GPR155: variants seen among roughly 807,000 people sequenced by gnomAD.
The protein encoded by GPR155 is lysosomal cholesterol signaling protein.
In GPR155, 65 loss-of-function variants were observed where a neutral mutation model predicts 93.1. That is an observed-to-expected ratio of 0.70 (90% CI 0.57 to 0.86). The LOEUF (loss-of-function observed/expected upper bound fraction) is 0.86, where lower values mean the gene tolerates loss of function less well. Among genes scored for constraint, GPR155 ranks in the 40% least tolerant of loss-of-function variants. The probability of loss-of-function intolerance (pLI) is 0.00; values close to 1 mark genes in which losing one functional copy is unlikely to be tolerated. For synonymous variants in GPR155, 319 were observed against 360.1 expected, an observed-to-expected ratio of 0.89 and a Z score of 1.29; for missense variants, 838 against 1,034.8, an observed-to-expected ratio of 0.81 and a Z score of 2.61.
Position 174,433,997 on chromosome 2 carries a change from G to A in GPR155, c.*2119C>T, listed in dbSNP as rs1450465659. ...TTTTTCTGAGACAGAGTCTCACTCT[G>A]ACACTCAGGCTGGAGTGCAGTGGCA... On this transcript the variant is annotated 3_prime_UTR_variant, in exon 16 of 16. Transcript: ENST00000392552. 6.7e-6 allele frequency: 1 copy of A among 148,346 alleles called. No individual in the cohort carries two copies. Among genetic ancestry groups the A allele is most frequent in the African/African-American group, 2.5e-5 (1 of 40,058 alleles). The allele number at this position is 148,346 out of a possible 1,614,324, so 9.2% of individuals were successfully genotyped here. A position where few individuals can be genotyped will look rare whatever the true frequency, so the allele number is the denominator to read the frequency against.
chr2:174,437,576 C>A (rs1559094368), intron 15 of GPR155, among the ~76,000 whole-genome samples: 1 of 131,598 alleles, frequency 7.6e-6, no homozygotes, highest in African/African-American at 2.8e-5. Context: ...TGGCCTAACA[C>A]CTTTTTTTTT....
rs150594295 is a variant in GPR155 at position 174,453,329 on chromosome 2, T to C, written c.1876+408A>G. On this transcript the variant is annotated intron_variant, in intron 11 of 15. Transcript: ENST00000392552. The stretch of plus-strand genomic sequence containing the variant: ...ATATTCTTGATGTTTGTAACTTCTA[T>C]AGATATTCTATGTAGAGTTCTTTTG... Among the ~76,000 whole-genome samples, 846 of 152,334 alleles carry C rather than the reference T, an allele frequency of 5.6e-3. 3 individuals carry two copies. The highest frequency in any genetic ancestry group is 0.019 in the African/African-American group (804 of 41,574).
rs550292843 is a variant in GPR155, at chr2:174,470,274, C to A, written c.1026+116G>T. 33 of 803,324 alleles carry A rather than the reference C, an allele frequency of 4.1e-5. No homozygotes were observed. The African/African-American group carries it at 4.4e-4, about 11-fold the overall frequency. The allele number at this position is 803,324 out of a possible 1,614,324, so 49.8% of individuals were successfully genotyped here. Reference sequence around the variant, plus strand: ...ACCAGCCTGGGGCAACATAGTGAGACCCCCGTCGTCTCTATTTTTTCATTT... The same window carrying A: ...ACCAGCCTGGGGCAACATAGTGAGAACCCCGTCGTCTCTATTTTTTCATTT... On this transcript the variant is annotated intron_variant, in intron 4 of 15. Coordinates refer to ENST00000392552, the MANE Select transcript of GPR155 (RefSeq NM_152529.7).
Position 174,431,768 on chromosome 2 carries a change from C to A in GPR155, c.*4348G>T, listed in dbSNP as rs1030785641. Reference sequence around the variant, plus strand: ...ATATGAAGGGGCAAACACTAAGAGCCGCATTCTGCTGCGTAACAAACATAT... The same window carrying A: ...ATATGAAGGGGCAAACACTAAGAGCAGCATTCTGCTGCGTAACAAACATAT... On this transcript the variant is annotated 3_prime_UTR_variant, in exon 16 of 16. Coordinates refer to ENST00000392552, the MANE Select transcript of GPR155 (RefSeq NM_152529.7). 1 of 152,138 alleles carries A rather than the reference C, an allele frequency of 6.6e-6. No individual in the cohort carries two copies. The highest frequency in any genetic ancestry group is 1.5e-5 in the Non-Finnish European group (1 of 68,010). 9.4% of individuals were successfully genotyped at this position (152,138 alleles called of 1,614,324 possible). A position where few individuals can be genotyped will look rare whatever the true frequency, so the allele number is the denominator to read the frequency against.
intron 11 of GPR155, among the ~76,000 whole-genome samples, chr2:174,448,530 G>GTTTTTTTTTTTTTTTTTTT (rs565221876): frequency 9.9e-6 from 1 of 100,970 alleles, no homozygotes; most frequent in African/African-American, 4.1e-5. Context: ...TTTGTTTTTT[G>GTTTTTTTTTTTTTTTTTTT]TTTTTTTTTT....
At position 174,461,609 on chromosome 2, in the gene GPR155, AT is replaced by A; in HGVS notation, c.1447del (p.Ile483Ter). 2 of 1,610,724 alleles carry A rather than the reference AT, an allele frequency of 1.2e-6. No individual in the cohort carries two copies. The highest frequency in any genetic ancestry group is 2.2e-5 in the South Asian group (2 of 90,992). The stretch of plus-strand genomic sequence containing the variant: ...TTACCCCCAGCCAGATATTATGATT[AT>A]TCCAACAGGAATTTGTACCCTCTCT... ...KRERVQIPVG[I>X]IIISGWGIPA... On this transcript the variant is annotated frameshift_variant, in exon 8 of 16. Coordinates refer to ENST00000392552, the MANE Select transcript of GPR155 (RefSeq NM_152529.7). LOFTEE classifies it high-confidence loss of function.
chr2:174,460,305 C>T (rs528814615), intron 9 of GPR155, among the ~76,000 whole-genome samples: 5 of 151,850 alleles, frequency 3.3e-5, no homozygotes, highest in South Asian at 4.2e-4. Context: ...GGAATACAGG[C>T]GCCCGCCACC....
chr2:174,448,407 C>G (rs1687205654), intron 11 of GPR155, among the ~76,000 whole-genome samples: 1 of 151,924 alleles, frequency 6.6e-6, no homozygotes, highest in Non-Finnish European at 1.5e-5. Context: ...TATAAGAATC[C>G]TAGAAGAAAA....
chr2:174,475,066 C>A (rs1487771364), intron 2 of GPR155, among the ~76,000 whole-genome samples: 2 of 151,376 alleles, frequency 1.3e-5, no homozygotes, highest in Non-Finnish European at 2.9e-5. Flanking sequence ...GAGGCCGAGG[C>A]GGGCGGATCA....
chr2:174,449,869 G>A (rs916925889), intron 11 of GPR155, among the ~76,000 whole-genome samples: 3 of 152,126 alleles, frequency 2.0e-5, no homozygotes, highest in Admixed American at 6.5e-5. Flanking sequence ...CCAGCTACTC[G>A]GGAGGCTGAG....
intron 10 of GPR155, among the ~76,000 whole-genome samples, chr2:174,458,275 TGTCCTAG>T (rs1687579379): frequency 6.6e-6 from 1 of 152,224 alleles, no homozygotes; most frequent in South Asian, 2.1e-4. Context: ...ATGCTCACTG[TGTCCTAG>T]GACCATGGTA....
chr2:174,445,455 A>G lies in GPR155; in HGVS notation c.2014-279T>C, dbSNP rs1687093081. 3 of 244,260 alleles carry G rather than the reference A, an allele frequency of 1.2e-5. 1 individual carries two copies. Among genetic ancestry groups the G allele is most frequent in the Non-Finnish European group, 2.3e-5 (3 of 127,788 alleles). 15.1% of individuals were successfully genotyped at this position (244,260 alleles called of 1,614,324 possible). A position where few individuals can be genotyped will look rare whatever the true frequency, so the allele number is the denominator to read the frequency against. ...CTTACATAATGTATCAAGATTGCCA[A>G]CTAGCCTAAGACAGGCCTGATTTTA... On this transcript the variant is annotated intron_variant, in intron 12 of 15. Coordinates refer to ENST00000392552, the MANE Select transcript of GPR155 (RefSeq NM_152529.7).
rs1379362038 is a variant in GPR155 at position 174,436,102 on chromosome 2, C to G, written c.*14G>C. The G allele has an allele frequency of 6.3e-7, 1 of 1,593,894 alleles. No individual in the cohort carries two copies. Among genetic ancestry groups the G allele is most frequent in the Non-Finnish European group, 8.6e-7 (1 of 1,162,696 alleles). ...CTAGAATATGATTCCATGTAGGGTT[C>G]TCCCCTGCATAATTTAGGTCTTAGG... is the stretch of plus-strand genomic sequence containing the variant. On this transcript the variant is annotated 3_prime_UTR_variant, in exon 16 of 16. Coordinates refer to ENST00000392552, the MANE Select transcript of GPR155 (RefSeq NM_152529.7).
rs1686752604 is a variant in GPR155 at position 174,435,554 on chromosome 2, C to T, written c.*562G>A. 1.3e-5 allele frequency: 2 copies of T among 152,222 alleles called. No homozygotes were observed. Among genetic ancestry groups the T allele is most frequent in the Non-Finnish European group, 2.9e-5 (2 of 68,120 alleles). The allele number at this position is 152,222 out of a possible 1,614,324, so 9.4% of individuals were successfully genotyped here. On this transcript the variant is annotated 3_prime_UTR_variant, in exon 16 of 16. Coordinates refer to ENST00000392552, the MANE Select transcript of GPR155 (RefSeq NM_152529.7). ...TGGCACGATCTCGGCTCACAGCAAC[C>T]TCTGCCTCCCAGATTCAAGCGATTC... is the stretch of plus-strand genomic sequence containing the variant.
chr2:174,482,358 G>A (rs1192118847), intron 1 of GPR155, among the ~76,000 whole-genome samples: 1 of 152,182 alleles, frequency 6.6e-6, no homozygotes, highest in Non-Finnish European at 1.5e-5. Flanking sequence ...TCCGCCTGGT[G>A]GATAAGGGCA....
intron 10 of GPR155, among the ~76,000 whole-genome samples, chr2:174,458,280 T>C (rs553150871): frequency 6.6e-6 from 1 of 152,332 alleles, no homozygotes; most frequent in African/African-American, 2.4e-5. Flanking sequence ...CACTGTGTCC[T>C]AGGACCATGG....
chr2:174,442,198 A>C lies in GPR155; in HGVS notation c.2110-15T>G. The stretch of plus-strand genomic sequence containing the variant: ...GAAATAAATCCCTAGGGAAGAAAAC[A>C]AAGTTATTTTTTTCAGAATTCAACA... On this transcript the variant is annotated splice_polypyrimidine_tract_variant and intron_variant, in intron 13 of 15. Coordinates refer to ENST00000392552, the MANE Select transcript of GPR155 (RefSeq NM_152529.7). The C allele has an allele frequency of 8.0e-7, 1 of 1,248,572 alleles. No individual in the cohort carries two copies. Among genetic ancestry groups the C allele is most frequent in the Non-Finnish European group, 1.2e-6 (1 of 851,810 alleles). 77.3% of individuals were successfully genotyped at this position (1,248,572 alleles called of 1,614,324 possible).
Position 174,461,643 on chromosome 2 carries a change from T to G in GPR155, c.1414A>C (p.Lys472Gln), listed in dbSNP as rs752154967. Residue 472 changes from lysine (K) to glutamine (Q), a missense_variant, in exon 8 of 16, where the codon AAA becomes CAA. Lys to Gln is a moderately conservative substitution (Grantham distance 53). Transcript: ENST00000392552. The part of the protein sequence containing the change: ...GLLAISLFLL[K>Q]KRERVQIPVG... ...GGAATTTGTACCCTCTCTCGCTTTT[T>G]CAAAAGAAACAAAGAAATTGCTAGA... 6.2e-7 allele frequency: 1 copy of G among 1,609,306 alleles called. No homozygotes were observed. Among genetic ancestry groups the G allele is most frequent in the South Asian group, 1.1e-5 (1 of 90,920 alleles).
rs141942085 is a variant in GPR155 at position 174,446,100 on chromosome 2, G to A, written c.2013+511C>T. On this transcript the variant is annotated intron_variant, in intron 12 of 15. Coordinates refer to ENST00000392552, the MANE Select transcript of GPR155 (RefSeq NM_152529.7). ...GGAGGGTGGATCACCTGAGGTCAGG[G>A]GTTCAAGACCAGCCTGACCAACATG... Among the ~76,000 whole-genome samples, 1,443 of 151,346 alleles carry A rather than the reference G, an allele frequency of 9.5e-3. 14 individuals carry two copies. The highest frequency in any genetic ancestry group is 0.024 in the South Asian group (115 of 4,802).
Sources: allele counts gnomAD v4.1 joint callset (sites outside exome capture counted in the v4.1 genomes callset), GRCh38; gene constraint gnomAD v4.1.1; transcripts MANE v1.5; gene names NCBI Gene and HGNC (gene_info 2026-07-23, HGNC 2026-07-21).